IL1RAPL2: variants seen among roughly 807,000 people sequenced by gnomAD.
IL1RAPL2 encodes X-linked interleukin-1 receptor accessory protein-like 2.
In IL1RAPL2, 3 loss-of-function variants were observed where a neutral mutation model predicts 44.1. The ratio of observed to expected loss-of-function variants is 0.07; its 90% CI spans 0.03 to 0.18. IL1RAPL2 has a LOEUF of 0.18. IL1RAPL2 is among the 10% of genes least tolerant of loss of function. The probability of loss-of-function intolerance (pLI) is 1.00; values close to 1 mark genes in which losing one functional copy is unlikely to be tolerated. For synonymous variants in IL1RAPL2, 181 were observed against 178.8 expected (o/e 1.01, Z -0.10); for missense variants, 391 against 496.4 (o/e 0.79, Z 2.02).
chrX:105,594,988 C>T (rs951052422), intron 6 of IL1RAPL2, among the ~76,000 whole-genome samples: 10 of 111,577 alleles, frequency 9.0e-5, no homozygotes, highest in African/African-American at 3.3e-4. Context: ...CTTAGCATCA[C>T]ACAATATACC....
At chrX:105,274,588 G>T (rs1023642498) in intron 5 of IL1RAPL2, among the ~76,000 whole-genome samples, 1 of 112,235 alleles carries the variant, frequency 8.9e-6, no homozygotes. Context: ...TTGTAATGTT[G>T]TTCTGAAAGC....
chrX:104,788,256 G>C (rs1932808720), intron 2 of IL1RAPL2, among the ~76,000 whole-genome samples: 1 of 111,974 alleles, frequency 8.9e-6, no homozygotes, highest in Non-Finnish European at 1.9e-5. Context: ...GGCATGATCT[G>C]CTCCACCTAG....
At chrX:105,372,971 A>G (rs1207091008) in intron 5 of IL1RAPL2, among the ~76,000 whole-genome samples, 1 of 112,626 alleles carries the variant, frequency 8.9e-6, no homozygotes, top group Non-Finnish European at 1.9e-5. Context: ...TAGTGCTGCA[A>G]TTAACATATG....
intron 2 of IL1RAPL2, among the ~76,000 whole-genome samples, chrX:104,758,707 C>G (rs930097290): frequency 8.9e-6 from 1 of 111,969 alleles, no homozygotes; most frequent in East Asian, 2.8e-4. Flanking sequence ...TAAGCAGAAA[C>G]TTGGAAAATT....
At chrX:105,032,740 G>A (rs973164045) in intron 2 of IL1RAPL2, among the ~76,000 whole-genome samples, 5 of 111,253 alleles carry the variant, frequency 4.5e-5, no homozygotes, top group Non-Finnish European at 9.4e-5. Context: ...TATCTATTAG[G>A]TTCGCTTGGT....
intron 2 of IL1RAPL2, among the ~76,000 whole-genome samples, chrX:104,879,898 G>A (rs886702659): frequency 9.0e-6 from 1 of 111,028 alleles, no homozygotes; most frequent in Non-Finnish European, 1.9e-5. Flanking sequence ...AGATTATCAA[G>A]ACAGACTAAG....
intron 2 of IL1RAPL2, among the ~76,000 whole-genome samples, chrX:104,916,468 G>A (rs1452354055): frequency 9.0e-6 from 1 of 111,424 alleles, no homozygotes; most frequent in African/African-American, 3.3e-5. Context: ...GAGATTTTGG[G>A]CTGAGACGAT....
At chrX:105,100,653 T>C (rs1185177063) in intron 2 of IL1RAPL2, among the ~76,000 whole-genome samples, 1 of 111,977 alleles carries the variant, frequency 8.9e-6, no homozygotes, top group Non-Finnish European at 1.9e-5. Context: ...CCAGAGGTGG[T>C]AGGGCTGATG....
At chrX:105,681,757 C>CA (rs959264827) in intron 6 of IL1RAPL2, among the ~76,000 whole-genome samples, 84 of 100,763 alleles carry the variant, frequency 8.3e-4, no homozygotes, top group Middle Eastern at 5.1e-3. Flanking sequence ...AACTCTGTCT[C>CA]AAAAAAAAAA....
At chrX:105,459,605 T>C (rs777041839) in intron 5 of IL1RAPL2, among the ~76,000 whole-genome samples, 1 of 111,423 alleles carries the variant, frequency 9.0e-6, no homozygotes, top group Non-Finnish European at 1.9e-5. Context: ...TAATACAACA[T>C]ACTTTAAGAG....
At chrX:104,997,497 T>A (rs2030769795) in intron 2 of IL1RAPL2, among the ~76,000 whole-genome samples, 1 of 111,775 alleles carries the variant, frequency 8.9e-6, no homozygotes, top group Non-Finnish European at 1.9e-5. Context: ...ATATTATTTC[T>A]GATCTTTTGA....
intron 1 of IL1RAPL2, among the ~76,000 whole-genome samples, chrX:104,625,647 G>C (rs1354900029): frequency 9.0e-6 from 1 of 111,265 alleles, no homozygotes; most frequent in Non-Finnish European, 1.9e-5. Flanking sequence ...TTCATGCCTT[G>C]GGATATTTGA....
At chrX:104,921,456 C>A (rs1411345560) in intron 2 of IL1RAPL2, among the ~76,000 whole-genome samples, 2 of 112,353 alleles carry the variant, frequency 1.8e-5, no homozygotes, top group Non-Finnish European at 3.8e-5. Flanking sequence ...GAGGGGCCAA[C>A]AACATAGCCT....
intron 5 of IL1RAPL2, among the ~76,000 whole-genome samples, chrX:105,433,239 C>A (rs1602410039): frequency 9.0e-6 from 1 of 110,666 alleles, no homozygotes; most frequent in East Asian, 2.9e-4. Context: ...CACATTTGTA[C>A]ACTTTGAGAG....
At chrX:105,515,840 G>T (rs983858199) in intron 6 of IL1RAPL2, among the ~76,000 whole-genome samples, 5 of 111,756 alleles carry the variant, frequency 4.5e-5, no homozygotes, top group African/African-American at 1.6e-4. Context: ...TGGCTTTGCA[G>T]CAGGAAAATA....
At chrX:104,623,396 T>C (rs1456535844) in intron 1 of IL1RAPL2, among the ~76,000 whole-genome samples, 1 of 111,119 alleles carries the variant, frequency 9.0e-6, no homozygotes, top group East Asian at 2.9e-4. Context: ...GGGAAGTAGT[T>C]TGCTGGAACC....
At chrX:104,895,979 C>G (rs1342359196) in intron 2 of IL1RAPL2, among the ~76,000 whole-genome samples, 2 of 112,143 alleles carry the variant, frequency 1.8e-5, no homozygotes, top group Non-Finnish European at 3.8e-5. Context: ...CCACCAAGGC[C>G]TAGACCTCCT....
At chrX:105,127,875 A>G (rs1204952070) in intron 2 of IL1RAPL2, among the ~76,000 whole-genome samples, 1 of 111,316 alleles carries the variant, frequency 9.0e-6, no homozygotes, top group Non-Finnish European at 1.9e-5. Context: ...ATTTTAAAAT[A>G]GGTAAGCAAA....
chrX:104,573,657 C>T (rs1030246277), intron 1 of IL1RAPL2, among the ~76,000 whole-genome samples: 2 of 111,750 alleles, frequency 1.8e-5, no homozygotes, highest in Non-Finnish European at 3.8e-5. Context: ...AGAATAAATT[C>T]CAGATAAAAC....
Sources: allele counts gnomAD v4.1 joint callset (sites outside exome capture counted in the v4.1 genomes callset), GRCh38; gene constraint gnomAD v4.1.1; transcripts MANE v1.5; gene names NCBI Gene and HGNC (gene_info 2026-07-23, HGNC 2026-07-21).